Variants in ATAD3B observed in about 807,000 individuals in gnomAD.
ATAD3B encodes ATPase family AAA domain containing 3B, also known as ATPase family AAA domain-containing protein 3B.
In ATAD3B, 59 loss-of-function variants were observed where a neutral mutation model predicts 70.2. The observed-to-expected ratio is 0.84, with a 90% confidence interval of 0.68 to 1.04. The LOEUF is 1.04. Ranked by LOEUF, ATAD3B falls within the 50% of genes least tolerant of loss-of-function variation. The pLI, the probability that ATAD3B is intolerant of heterozygous loss-of-function variation, is 0.00. For missense variants in ATAD3B, 961 were observed against 913.4 expected (o/e 1.05, Z -0.67); for synonymous variants, 423 against 388.6 (o/e 1.09, Z -1.04).
At chr1:1,489,136 G>C in intron 12 of ATAD3B, 68 bp from the exon 13 acceptor site, 1 of 1,608,782 alleles carries the variant, frequency 6.2e-7, no homozygotes, top group Non-Finnish European at 8.5e-7. Context: ...AGGCCTGTGG[G>C]ACTTTCTGCT....
At chr1:1,484,678 C>T (rs1182300120) in intron 7 of ATAD3B, 5 of 322,090 alleles carry the variant, frequency 1.6e-5, no homozygotes, top group Non-Finnish European at 2.2e-5. Context: ...GAATAAAGTA[C>T]CATTTTTAGT....
At chr1:1,484,696 G>A (rs1640105629) in intron 7 of ATAD3B, 8 of 418,298 alleles carry the variant, frequency 1.9e-5, no homozygotes, top group Admixed American at 1.2e-4. Flanking sequence ...AGTGGCCAAG[G>A]ATGTACCAGA....
intron 15 of ATAD3B, among the ~76,000 whole-genome samples, chr1:1,492,211 G>T (rs1195161832): frequency 1.3e-5 from 2 of 151,840 alleles, no homozygotes; most frequent in Admixed American, 6.6e-5. Context: ...TTTGGAACAA[G>T]CCCGGTGGCT....
downstream of ATAD3B, among the ~76,000 whole-genome samples, chr1:1,499,017 G>A (rs1640881020): frequency 1.3e-5 from 2 of 150,832 alleles, no homozygotes; most frequent in Non-Finnish European, 2.9e-5. Context: ...TGTCGCCTAG[G>A]CTGGAGTGCA....
At chr1:1,484,280 A>C (rs1003522438) in intron 7 of ATAD3B, 1 of 151,572 alleles carries the variant, frequency 6.6e-6, no homozygotes, top group African/African-American at 2.4e-5. Flanking sequence ...TCTTGGGTTC[A>C]CACCATTCTC....
At chr1:1,508,912 C>G in the ATAD3B span, among the ~76,000 whole-genome samples, 1,335 of 150,778 alleles carry the variant, frequency 8.9e-3, 8 homozygotes, top group African/African-American at 0.031. Context: ...ACCTGCCTCT[C>G]GGAAGCTGCC....
At chr1:1,504,473 A>C in the ATAD3B span, among the ~76,000 whole-genome samples, 17 of 151,874 alleles carry the variant, frequency 1.1e-4, no homozygotes, top group African/African-American at 3.9e-4. Context: ...CAACATGGAG[A>C]AACCCCATCT....
In ATAD3B at chr1:1,485,090, C is replaced by G. The variant is rs764805025; in HGVS notation, c.825C>G (p.Ile275Met). 1.2e-6 allele frequency: 2 copies of G among 1,610,380 alleles called. No individual in the cohort carries two copies. Among genetic ancestry groups the G allele is most frequent in the South Asian group, 1.1e-5 (1 of 90,724 alleles). ...CGACAGCCGTCACTGGCCGCTTCAT[C>G]GAGGCTCGGCTGGGGAAGCCGTCCC... ...KNATAVTGRF[I>M]EARLGKPSLV... is the part of the protein sequence containing the mutation. The change falls in exon 8 of 16, where the codon ATC (isoleucine) becomes ATG (methionine). Residue 275 changes from isoleucine to methionine, a missense_variant. Around this residue, in one of 4 missense-constraint regions of ATAD3B, gnomAD observed 349 missense variants for 307.5 expected, o/e 1.14. Coordinates refer to ENST00000673477, the MANE Select transcript of ATAD3B (RefSeq NM_031921.6).
chr1:1,495,702 G>C lies in ATAD3B; in HGVS notation c.1832G>C (p.Cys611Ser). Residue 611 changes from cysteine (C) to serine (S), a missense_variant, in exon 16 of 16, where the codon TGC (cysteine) becomes TCC (serine). Physicochemically the swap from Cys to Ser is moderately radical, Grantham distance 112. Transcript: ENST00000673477. ...TCCTACCCCTGCCTTGCCGGCCCCTGCACATTTAGGATATGCTCCTGGATG... is the reference window on the plus strand; with the variant it reads ...TCCTACCCCTGCCTTGCCGGCCCCTCCACATTTAGGATATGCTCCTGGATG... The part of the protein sequence containing the change: ...DPSYPCLAGP[C>S]TFRICSWMGT... 1 of 1,613,138 alleles carries C rather than the reference G, an allele frequency of 6.2e-7. No homozygotes were observed. Among genetic ancestry groups the C allele is most frequent in the South Asian group, 1.1e-5 (1 of 91,014 alleles).
At chr1:1,508,935 T>C in the ATAD3B span, among the ~76,000 whole-genome samples, 1 of 151,656 alleles carries the variant, frequency 6.6e-6, no homozygotes, top group Non-Finnish European at 1.5e-5. Context: ...GGGTCGGCCG[T>C]CAGTGAGGCT....
At chr1:1,493,301 G>C (rs1186820566) in intron 15 of ATAD3B, among the ~76,000 whole-genome samples, 1 of 151,986 alleles carries the variant, frequency 6.6e-6, no homozygotes, top group Admixed American at 6.6e-5. Flanking sequence ...GAAGTGGTCA[G>C]AATTCTTGCT....
the ATAD3B span, chr1:1,503,738 G>A: frequency 1.5e-5 from 23 of 1,579,448 alleles, no homozygotes; most frequent in Admixed American, 3.6e-5. Flanking sequence ...GGCTACTGCC[G>A]GTGGGTAGGG....
At chr1:1,484,664 C>T (rs1038043538) in intron 7 of ATAD3B, 84 of 278,168 alleles carry the variant, frequency 3.0e-4, no homozygotes, top group Non-Finnish European at 4.6e-4. Context: ...GTCTTGTTTT[C>T]CAGGAATAAA....
intron 5 of ATAD3B, 83 bp from the exon 6 acceptor site, chr1:1,482,055 G>C (rs184582628): frequency 6.5e-6 from 10 of 1,530,680 alleles, no homozygotes; most frequent in Admixed American, 3.9e-5. Context: ...GGGCCGGTCC[G>C]TGGCGTGGGC....
In ATAD3B at chr1:1,479,045, C is replaced by G. The variant is rs1639749990; in HGVS notation, c.385-4C>G. The G allele has an allele frequency of 4.9e-6, 6 of 1,220,500 alleles. No individual in the cohort carries two copies. The highest frequency in any genetic ancestry group is 5.6e-6 in the Non-Finnish European group (5 of 886,188). The allele number at this position is 1,220,500 out of a possible 1,614,324, so 75.6% of individuals were successfully genotyped here. A position where few individuals can be genotyped will look rare whatever the true frequency, so the allele number is the denominator to read the frequency against. ...TGTGTCTTTGCCGCCCTCTTCTCCC[C>G]CAGAGGGCCCAGTATCAAGACAAGC... On this transcript the variant is annotated splice_region_variant and splice_polypyrimidine_tract_variant and intron_variant, in intron 3 of 15. Transcript: ENST00000673477.
rs1640200735 is a variant in ATAD3B at position 1,486,118 on chromosome 1, G to A, written c.972G>A (p.Leu324=). The A allele has an allele frequency of 6.2e-7, 1 of 1,613,066 alleles. No individual in the cohort carries two copies. Among genetic ancestry groups the A allele is most frequent in the Admixed American group, 1.7e-5 (1 of 59,952 alleles). ...CCCGTCTTCCCCGGCAGCCCAGCCT[G>A]GAAGCACGGGTGCGCGACATCGCCA... The part of the protein sequence containing the change: ...VLEGVVLSPS[L]EARVRDIAIA... Residue 324 remains leucine (L), a synonymous_variant, in exon 10 of 16, where the codon CTG becomes CTA. Transcript: ENST00000673477.
In ATAD3B at chr1:1,495,689, C is replaced by T; in HGVS notation, c.1819C>T (p.Leu607Phe). 6.2e-7 allele frequency: 1 copy of T among 1,613,170 alleles called. No individual in the cohort carries two copies. The highest frequency in any genetic ancestry group is 8.5e-7 in the Non-Finnish European group (1 of 1,179,456). ...GGCCACGGACCCCTCCTACCCCTGC[C>T]TTGCCGGCCCCTGCACATTTAGGAT... ...SLATDPSYPCLAGPCTFRICS... is the reference protein window; with the variant it reads ...SLATDPSYPCFAGPCTFRICS... Residue 607 changes from leucine (L) to phenylalanine (F), a missense_variant, in exon 16 of 16, where the codon CTT (leucine) becomes TTT (phenylalanine). Coordinates refer to ENST00000673477, the MANE Select transcript of ATAD3B (RefSeq NM_031921.6).
Position 1,495,554 on chromosome 1 carries a change from G to C in ATAD3B, c.1684G>C (p.Val562Leu). ...GATGGACGCCTGTGTGCAAGATGCT[G>C]TCCAGCAGTACCGACAGAAGATGCG... is the stretch of plus-strand genomic sequence containing the variant. ...AMMDACVQDA[V>L]QQYRQKMRWL... The change falls in exon 16 of 16, where the codon GTC (valine) becomes CTC (leucine). Residue 562 changes from valine to leucine, a missense_variant. Val to Leu is a conservative substitution (Grantham distance 32, BLOSUM62 1). Transcript: ENST00000673477. 2 of 1,613,222 alleles carry C rather than the reference G, an allele frequency of 1.2e-6. No homozygotes were observed. Among genetic ancestry groups the C allele is most frequent in the South Asian group, 2.2e-5 (2 of 91,016 alleles).
intron 12 of ATAD3B, among the ~76,000 whole-genome samples, chr1:1,488,947 C>T (rs1285849959): frequency 2.0e-5 from 3 of 151,694 alleles, no homozygotes; most frequent in Non-Finnish European, 2.9e-5. Context: ...ATTTCTAGTA[C>T]AGATGGGGTC....
Sources: allele counts gnomAD v4.1 joint callset (sites outside exome capture counted in the v4.1 genomes callset), GRCh38; gene constraint gnomAD v4.1.1; regional missense constraint gnomAD v4.1.1; transcripts MANE v1.5; gene names NCBI Gene and HGNC (gene_info 2026-07-23, HGNC 2026-07-21).